Variants in TASP1 observed in about 807,000 individuals in gnomAD.
TASP1 encodes threonine aspartase 1.
TASP1 carries 16 observed loss-of-function variants against 56.6 expected under a neutral mutation model. The observed-to-expected ratio is 0.28, with a 90% CI of 0.19 to 0.43. The LOEUF is 0.43. Among genes scored for constraint, TASP1 ranks in the 20% least tolerant of loss-of-function variants. The probability of loss-of-function intolerance (pLI) is 1.00; values close to 1 mark genes in which losing one functional copy is unlikely to be tolerated. For missense variants in TASP1, 393 were observed against 511.6 expected, an observed-to-expected ratio of 0.77 and a Z score of 2.24; for synonymous variants, 179 against 184.2, an observed-to-expected ratio of 0.97 and a Z score of 0.23.
chr20:13,625,744 C>T (rs527370781), intron 2 of TASP1, among the ~76,000 whole-genome samples: 2 of 152,276 alleles, frequency 1.3e-5, no homozygotes, highest in South Asian at 4.1e-4. Context: ...CTCGCATGTC[C>T]ACAACCACCA....
intron 13 of TASP1, among the ~76,000 whole-genome samples, chr20:13,391,916 C>T (rs529631502): frequency 6.8e-6 from 1 of 147,056 alleles, no homozygotes; most frequent in African/African-American, 2.6e-5. Flanking sequence ...TGAAGTGAGC[C>T]GAGATCACGC....
In TASP1 at chr20:13,459,408, C is replaced by T. The variant is rs983344867; in HGVS notation, c.985+23819G>A. ...CCATAGTCCATCATTATAATTAATT[C>T]TCTGCAGAAACCATCAGCTAAATTG... On this transcript the variant is annotated intron_variant, in intron 11 of 13. Transcript: ENST00000337743. Among the ~76,000 whole-genome samples, 4 of 152,114 alleles carry T rather than the reference C, an allele frequency of 2.6e-5. No homozygotes were observed. The South Asian group carries it at 6.2e-4, about 24-fold the overall frequency.
At chr20:13,533,870 A>G in intron 9 of TASP1, 152 bp downstream of exon 9, 5 of 834,774 alleles carry the variant, frequency 6.0e-6, no homozygotes, top group Non-Finnish European at 9.0e-6. Flanking sequence ...AATTTTAAAA[A>G]GGTATTTGGT....
At chr20:13,453,118 A>C (rs1014375488) in intron 11 of TASP1, among the ~76,000 whole-genome samples, 3 of 152,114 alleles carry the variant, frequency 2.0e-5, no homozygotes, top group Non-Finnish European at 4.4e-5. Context: ...AGGGACAATA[A>C]TGTAGAGACC....
At chr20:13,409,848 T>C (rs2042040134) in intron 13 of TASP1, among the ~76,000 whole-genome samples, 1 of 152,200 alleles carries the variant, frequency 6.6e-6, no homozygotes, top group Non-Finnish European at 1.5e-5. Flanking sequence ...TCAAGTTCTA[T>C]CTTCTAGCTA....
At chr20:13,152,515 G>A in the TASP1 span, among the ~76,000 whole-genome samples, 2 of 152,212 alleles carry the variant, frequency 1.3e-5, no homozygotes, top group African/African-American at 2.4e-5. Flanking sequence ...GTCCTGCGCA[G>A]TGGCTTCTAT....
intron 11 of TASP1, among the ~76,000 whole-genome samples, chr20:13,451,799 G>A (rs780368009): frequency 1.3e-5 from 2 of 152,072 alleles, no homozygotes; most frequent in Non-Finnish European, 2.9e-5. Context: ...TGGCTAACTG[G>A]TGTAGGAGGC....
At chr20:13,479,159 A>G (rs771114907) in intron 11 of TASP1, among the ~76,000 whole-genome samples, 5 of 152,182 alleles carry the variant, frequency 3.3e-5, no homozygotes, top group Non-Finnish European at 7.3e-5. Flanking sequence ...TTCTGGCAGG[A>G]GAAATGAGAC....
At chr20:13,511,388 C>T (rs2044320854) in intron 10 of TASP1, among the ~76,000 whole-genome samples, 1 of 152,010 alleles carries the variant, frequency 6.6e-6, no homozygotes, top group South Asian at 2.1e-4. Context: ...GTCTTCCTAC[C>T]TCTGAACTTC....
chr20:13,459,025 T>C (rs2043953533), intron 11 of TASP1, among the ~76,000 whole-genome samples: 1 of 152,154 alleles, frequency 6.6e-6, no homozygotes, highest in Non-Finnish European at 1.5e-5. Flanking sequence ...TGAGACAAGT[T>C]TGTGTAGCAG....
At chr20:13,153,928 C>G in the TASP1 span, 1 of 1,572,466 alleles carries the variant, frequency 6.4e-7, no homozygotes, top group Non-Finnish European at 8.6e-7. Flanking sequence ...CTTAAAGATG[C>G]TTGCCAAGTT....
At chr20:13,226,747 T>C in the TASP1 span, among the ~76,000 whole-genome samples, 1 of 152,334 alleles carries the variant, frequency 6.6e-6, no homozygotes, top group East Asian at 1.9e-4. Flanking sequence ...CATGGTGGAC[T>C]CAGAGCAGCA....
At position 13,390,060 on chromosome 20, in the gene TASP1, C is replaced by T. The variant is rs12479520; in HGVS notation, c.*300G>A. The T allele has an allele frequency of 3.4e-3, 891 of 263,688 alleles. 4 individuals are homozygous for T. Among genetic ancestry groups the T allele is most frequent in the East Asian group, 8.3e-3 (92 of 11,102 alleles). 16.3% of individuals were successfully genotyped at this position (263,688 alleles called of 1,614,324 possible). Reference sequence around the variant, plus strand: ...CACACATTTTGTAAAGATGATTTAACCATTCCTGGTCACACAATGAGGAGT... The same window carrying T: ...CACACATTTTGTAAAGATGATTTAATCATTCCTGGTCACACAATGAGGAGT... On this transcript the variant is annotated 3_prime_UTR_variant, in exon 14 of 14. Transcript: ENST00000337743.
the TASP1 span, among the ~76,000 whole-genome samples, chr20:13,134,359 C>T: frequency 6.6e-6 from 1 of 152,172 alleles, no homozygotes; most frequent in Admixed American, 6.5e-5. Context: ...TAATTCTTGT[C>T]TGCAGGCATG....
At chr20:13,439,098 C>T (rs1045817729) in intron 11 of TASP1, among the ~76,000 whole-genome samples, 1 of 152,128 alleles carries the variant, frequency 6.6e-6, no homozygotes, top group African/African-American at 2.4e-5. Flanking sequence ...GTCAGTGTGG[C>T]GATTCCTCAG....
chr20:13,554,954 G>T (rs148254052), intron 8 of TASP1, among the ~76,000 whole-genome samples: 19 of 152,234 alleles, frequency 1.2e-4, no homozygotes, highest in Non-Finnish European at 2.6e-4. Flanking sequence ...TTATCACATT[G>T]AATGACCCTT....
intron 6 of TASP1, among the ~76,000 whole-genome samples, chr20:13,579,376 T>TC: frequency 6.6e-6 from 1 of 152,268 alleles, no homozygotes; most frequent in South Asian, 2.1e-4. Context: ...GTAAGATTTT[T>TC]TTTTTTTTTT....
the TASP1 span, among the ~76,000 whole-genome samples, chr20:13,209,370 A>T: frequency 1.3e-5 from 2 of 152,192 alleles, no homozygotes; most frequent in African/African-American, 4.8e-5. Context: ...TGTAGGTTGC[A>T]TATTTCCTTG....
At chr20:13,275,275 G>A in the TASP1 span, among the ~76,000 whole-genome samples, 193 of 152,128 alleles carry the variant, frequency 1.3e-3, no homozygotes, top group African/African-American at 4.3e-3. Context: ...CCTCTTGAGC[G>A]CCACAAGATA....
Sources: allele counts gnomAD v4.1 joint callset (sites outside exome capture counted in the v4.1 genomes callset), GRCh38; gene constraint gnomAD v4.1.1; transcripts MANE v1.5; gene names NCBI Gene and HGNC (gene_info 2026-07-23, HGNC 2026-07-21).